CSMD2: variants seen among roughly 807,000 people sequenced by gnomAD.
The protein encoded by CSMD2 is CUB and Sushi multiple domains 2.
A neutral mutation model predicts 398.5 loss-of-function variants in CSMD2; 130 were observed. That is an observed-to-expected ratio of 0.33 (90% confidence interval 0.28 to 0.38). The LOEUF (loss-of-function observed/expected upper bound fraction) is 0.38. CSMD2 is among the 10% of genes least tolerant of loss of function. The pLI, the probability that CSMD2 is intolerant of heterozygous loss-of-function variation, is 1.00. For missense variants in CSMD2, 3,829 were observed against 4,764.9 expected, an observed-to-expected ratio of 0.80 and a Z score of 5.78; for synonymous variants, 1,828 against 1,908.5, an observed-to-expected ratio of 0.96 and a Z score of 1.10.
intron 1 of CSMD2, among the ~76,000 whole-genome samples, chr1:34,100,691 G>C (rs1048155930): frequency 6.6e-6 from 1 of 152,100 alleles, no homozygotes; most frequent in Middle Eastern, 3.2e-3. Flanking sequence ...TCAGTGTATG[G>C]TTATACTAGA....
chr1:34,031,359 G>A (rs1650392523), intron 3 of CSMD2, among the ~76,000 whole-genome samples: 1 of 151,482 alleles, frequency 6.6e-6, no homozygotes, highest in Admixed American at 6.6e-5. Flanking sequence ...CACCACACCC[G>A]GCTGAGATCT....
intron 5 of CSMD2, among the ~76,000 whole-genome samples, chr1:33,914,731 G>C (rs1171051178): frequency 6.6e-6 from 1 of 152,184 alleles, no homozygotes; most frequent in Non-Finnish European, 1.5e-5. Flanking sequence ...CATGTATACT[G>C]TTGGCCACTC....
intron 3 of CSMD2, among the ~76,000 whole-genome samples, chr1:34,004,196 T>C (rs767597581): frequency 6.6e-6 from 1 of 152,216 alleles, no homozygotes; most frequent in Non-Finnish European, 1.5e-5. Context: ...AGCCATCTTG[T>C]TGCCACATAA....
At chr1:33,569,593 G>T in intron 51 of CSMD2, 46 bp from the exon 52 acceptor site, 9 of 1,583,624 alleles carry the variant, frequency 5.7e-6, no homozygotes, top group Non-Finnish European at 7.8e-6. Flanking sequence ...CAAGAGGAGG[G>T]ACATGGCTGC....
intron 1 of CSMD2, among the ~76,000 whole-genome samples, chr1:34,142,180 C>T (rs75494480): frequency 0.025 from 3,766 of 152,238 alleles, 61 homozygotes; most frequent in African/African-American, 0.039. Flanking sequence ...TTTGCTGCCA[C>T]GGCCTTTGGG....
intron 10 of CSMD2, among the ~76,000 whole-genome samples, chr1:33,796,259 C>T (rs1041986180): frequency 2.6e-5 from 4 of 152,212 alleles, no homozygotes; most frequent in Non-Finnish European, 4.4e-5. Flanking sequence ...CTGTTCTGAA[C>T]ACTTTACACA....
At chr1:33,576,534 T>C (rs1169566420) in intron 49 of CSMD2, among the ~76,000 whole-genome samples, 1 of 152,092 alleles carries the variant, frequency 6.6e-6, no homozygotes, top group Non-Finnish European at 1.5e-5. Flanking sequence ...GAGGTTGCAG[T>C]GAGCTGAGAT....
Position 34,116,547 on chromosome 1 carries a change from A to G in CSMD2, c.188-27354T>C, listed in dbSNP as rs60278192. 7.7e-3 allele frequency among the ~76,000 whole-genome samples: 1,170 copies of G among 152,162 alleles called. 24 individuals carry two copies. Among genetic ancestry groups the G allele is most frequent in the African/African-American group, 0.027 (1,111 of 41,568 alleles). ...AAAATAGACAGTAACATGATAAGGA[A>G]GAGAGATTTCCATACCCCACTTTCA... On this transcript the variant is annotated intron_variant, in intron 1 of 70. Coordinates refer to ENST00000373381, the MANE Select transcript of CSMD2 (RefSeq NM_001281956.2).
At chr1:33,797,033 C>T (rs1655037999) in intron 10 of CSMD2, among the ~76,000 whole-genome samples, 1 of 152,162 alleles carries the variant, frequency 6.6e-6, no homozygotes, top group Non-Finnish European at 1.5e-5. Flanking sequence ...CTCTCGAACC[C>T]TGTTTTCTGT....
At chr1:33,986,542 C>T (rs571453997) in intron 3 of CSMD2, among the ~76,000 whole-genome samples, 45 of 152,278 alleles carry the variant, frequency 3.0e-4, no homozygotes, top group African/African-American at 1.1e-3. Context: ...GTTCTCAGTG[C>T]CCTCCCCAGA....
intron 1 of CSMD2, among the ~76,000 whole-genome samples, chr1:34,133,369 G>A (rs144991074): frequency 3.5e-4 from 54 of 152,240 alleles, no homozygotes; most frequent in African/African-American, 4.6e-4. Flanking sequence ...AGTAGCTCAC[G>A]CCTGTAATCC....
In CSMD2 at chr1:33,577,344, G is replaced by T. The variant is rs1366097780; in HGVS notation, c.7528C>A (p.His2510Asn). The T allele has an allele frequency of 1.2e-6, 2 of 1,613,864 alleles. No homozygotes were observed. Among genetic ancestry groups the T allele is most frequent in the African/African-American group, 1.3e-5 (1 of 74,928 alleles). Residue 2510 changes from histidine to asparagine, a missense_variant, in exon 49 of 71, where the codon CAC becomes AAC. His to Asn is a moderately conservative substitution (Grantham distance 68). Around this residue, in one of 5 missense-constraint regions of CSMD2, gnomAD observed 723 missense variants for 758.6 expected, o/e 0.95. Transcript: ENST00000373381. ...CTCCACAGGTGGTAGCCCTGGGGGT[G>T]CCGGGTACAGATGGCCATGCTGTGT... The part of the protein sequence containing the change: ...VGHSMAICTR[H>N]PQGYHLWSEA...
intron 2 of CSMD2, among the ~76,000 whole-genome samples, chr1:34,053,696 A>C (rs1372888459): frequency 6.6e-6 from 1 of 152,234 alleles, no homozygotes; most frequent in African/African-American, 2.4e-5. Flanking sequence ...GATCAAGTTG[A>C]GTTTCTCTGC....
At chr1:33,755,353 A>T (rs1183819796) in intron 13 of CSMD2, among the ~76,000 whole-genome samples, 1 of 152,194 alleles carries the variant, frequency 6.6e-6, no homozygotes. Context: ...TCATTTAACT[A>T]TGTTAGTCCC....
intron 2 of CSMD2, among the ~76,000 whole-genome samples, chr1:34,077,408 G>A (rs1370799865): frequency 8.1e-6 from 1 of 122,952 alleles, no homozygotes; most frequent in African/African-American, 3.2e-5. Flanking sequence ...ACTGAGCCAA[G>A]ATTGTGCCAC....
chr1:33,787,987 T>C (rs950438522), intron 12 of CSMD2, among the ~76,000 whole-genome samples: 2 of 152,186 alleles, frequency 1.3e-5, no homozygotes, highest in African/African-American at 4.8e-5. Context: ...TATTGTCCTC[T>C]CTAAAGATTT....
At chr1:33,562,510 G>A (rs562353408) in intron 53 of CSMD2, among the ~76,000 whole-genome samples, 6 of 152,346 alleles carry the variant, frequency 3.9e-5, no homozygotes, top group Admixed American at 2.6e-4. Flanking sequence ...GAGCAGAGAA[G>A]TGGCCTTTGC....
chr1:33,708,952 C>A, intron 22 of CSMD2, 137 bp downstream of exon 22: 1 of 706,278 alleles, frequency 1.4e-6, no homozygotes, highest in East Asian at 2.6e-5. Flanking sequence ...CTCTTTCTCC[C>A]AGATGAGTGA....
intron 1 of CSMD2, 129 bp from the exon 2 acceptor site, chr1:34,089,322 A>G (rs1038338260): frequency 1.2e-6 from 1 of 839,536 alleles, no homozygotes; most frequent in Non-Finnish European, 1.9e-6. Flanking sequence ...CCAGCCCTGT[A>G]CTTGGCACCG....
Sources: allele counts gnomAD v4.1 joint callset (sites outside exome capture counted in the v4.1 genomes callset), GRCh38; gene constraint gnomAD v4.1.1; regional missense constraint gnomAD v4.1.1; transcripts MANE v1.5; gene names NCBI Gene and HGNC (gene_info 2026-07-23, HGNC 2026-07-21).